KIF26B: variants seen among roughly 807,000 people sequenced by gnomAD.
KIF26B encodes kinesin family member 26B, also known as kinesin-like protein KIF26B.
In KIF26B, 63 loss-of-function variants were observed where a neutral mutation model predicts 151.2. The observed-to-expected ratio is 0.42, with a 90% CI of 0.34 to 0.51. The LOEUF (loss-of-function observed/expected upper bound fraction) is 0.51. Among genes scored for constraint, KIF26B ranks in the 20% least tolerant of loss-of-function variants. KIF26B has a pLI of 0.07. For synonymous variants in KIF26B, 1,357 were observed against 1,262.1 expected (o/e 1.08, Z -1.59); for missense variants, 2,813 against 2,913.6 (o/e 0.97, Z 0.79).
intron 4 of KIF26B, among the ~76,000 whole-genome samples, chr1:245,430,582 G>A (rs182304528): frequency 4.6e-5 from 7 of 152,066 alleles, no homozygotes; most frequent in East Asian, 1.9e-4. Context: ...CAGGAGGATC[G>A]CTTGAGCCCG....
chr1:245,428,158 CTTAT>C (rs1192541167), intron 4 of KIF26B, among the ~76,000 whole-genome samples: 4 of 152,240 alleles, frequency 2.6e-5, no homozygotes, highest in African/African-American at 9.6e-5. Context: ...CCTCTGGTTT[CTTAT>C]TTATTTATTT....
chr1:245,432,145 T>A (rs1173880038), intron 4 of KIF26B, among the ~76,000 whole-genome samples: 2 of 152,112 alleles, frequency 1.3e-5, no homozygotes, highest in South Asian at 2.1e-4. Flanking sequence ...TGGTACCTGC[T>A]ACATTAGGAA....
In KIF26B at chr1:245,167,545, A is replaced by G. The variant is rs2103520536; in HGVS notation, c.465+10862A>G. On this transcript the variant is annotated intron_variant, in intron 2 of 14. Transcript: ENST00000407071. This position sits in a 1 kb window ranked among gnomAD's most constrained non-coding sequence, Gnocchi z 4.2. ...ACAAGAATGGGAGACTCACCTATTAACTGATTAGAAGCCAGCAATAACAAC... is the reference window on the plus strand; with the variant it reads ...ACAAGAATGGGAGACTCACCTATTAGCTGATTAGAAGCCAGCAATAACAAC... 6.6e-6 allele frequency among the ~76,000 whole-genome samples: 1 copy of G among 152,318 alleles called. No homozygotes were observed. The highest frequency in any genetic ancestry group is 6.5e-5 in the Admixed American group (1 of 15,298).
intron 2 of KIF26B, among the ~76,000 whole-genome samples, chr1:245,261,480 TCTCTCTCTCTCTCTCTCTCTCTCC>T (rs1167801684): frequency 6.1e-5 from 3 of 49,244 alleles, no homozygotes; most frequent in Non-Finnish European, 1.1e-4. Flanking sequence ...TCTCTCTCTC[TCTCTCTCTCTCTCTCTCTCTCTCC>T]CTCCCTCCCT....
At chr1:245,240,991 G>T (rs977063722) in intron 2 of KIF26B, among the ~76,000 whole-genome samples, 2 of 152,282 alleles carry the variant, frequency 1.3e-5, no homozygotes, top group Non-Finnish European at 2.9e-5. Context: ...CCCCGCCCAG[G>T]GATCATGGAT....
At chr1:245,442,675 AGTCATCTCCCTCACTGTTCACCTAGAGCT>A (rs1428633357) in intron 4 of KIF26B, among the ~76,000 whole-genome samples, 60 of 139,802 alleles carry the variant, frequency 4.3e-4, no homozygotes, top group African/African-American at 7.3e-4. Context: ...TTCACCCTGC[AGTCATCTCCCTCACTGTTCACCTAGAGCT>A]GTCATCTCCC....
At chr1:245,562,195 C>T (rs1411010446) in intron 5 of KIF26B, among the ~76,000 whole-genome samples, 2 of 151,972 alleles carry the variant, frequency 1.3e-5, no homozygotes, top group Admixed American at 6.6e-5. Context: ...CAGAGAGGGA[C>T]CTGGGGAGGG....
chr1:245,508,672 C>T (rs1213517506), intron 4 of KIF26B, among the ~76,000 whole-genome samples: 1 of 152,086 alleles, frequency 6.6e-6, no homozygotes. Flanking sequence ...TGGTCGTTCT[C>T]CAGAAGAGTG....
At chr1:245,389,234 C>T (rs1673627493) in intron 3 of KIF26B, among the ~76,000 whole-genome samples, 1 of 152,124 alleles carries the variant, frequency 6.6e-6, no homozygotes. Context: ...CTGCCTCAGC[C>T]TCCTGAGTAG....
Position 245,208,469 on chromosome 1 carries a change from C to A in KIF26B, c.465+51786C>A, listed in dbSNP as rs935575858. Among the ~76,000 whole-genome samples the A allele has an allele frequency of 9.2e-5, 14 of 152,242 alleles. No homozygotes were observed. The East Asian group carries it at 2.5e-3, about 27-fold the overall frequency. On this transcript the variant is annotated intron_variant, in intron 2 of 14. Transcript: ENST00000407071. ...TTGCTGGCGAGTGGGATTGAGTTAG[C>A]CTCATCCACAGAGCCAATTGGCTGC...
At chr1:245,240,864 C>T (rs1670201435) in intron 2 of KIF26B, among the ~76,000 whole-genome samples, 1 of 152,022 alleles carries the variant, frequency 6.6e-6, no homozygotes, top group African/African-American at 2.4e-5. Context: ...TCAGAACCAG[C>T]CTGGCAGAGA....
At chr1:245,543,495 C>T (rs959708754) in intron 5 of KIF26B, among the ~76,000 whole-genome samples, 1 of 49,880 alleles carries the variant, frequency 2.0e-5, no homozygotes, top group African/African-American at 6.2e-5. Flanking sequence ...AGCGGGGCAT[C>T]GGTCTGGGGT....
At chr1:245,314,806 T>C (rs12092992) in intron 2 of KIF26B, among the ~76,000 whole-genome samples, 31,668 of 152,198 alleles carry the variant, frequency 0.21, 3,510 homozygotes, top group Admixed American at 0.32. Context: ...CATTTTCATA[T>C]GAAATCATTT....
At chr1:245,451,501 T>G (rs1304656694) in intron 4 of KIF26B, among the ~76,000 whole-genome samples, 1 of 151,698 alleles carries the variant, frequency 6.6e-6, no homozygotes, top group Non-Finnish European at 1.5e-5. Context: ...AGTTAGTTAA[T>G]GTATAGCCAA....
At chr1:245,363,284 C>T (rs187541957) in intron 2 of KIF26B, among the ~76,000 whole-genome samples, 1 of 152,310 alleles carries the variant, frequency 6.6e-6, no homozygotes, top group African/African-American at 2.4e-5. Flanking sequence ...GCAACCTCTG[C>T]CTCCCAGGCT....
chr1:245,313,435 A>G (rs1671701886), intron 2 of KIF26B, among the ~76,000 whole-genome samples: 1 of 152,238 alleles, frequency 6.6e-6, no homozygotes, highest in Non-Finnish European at 1.5e-5. Context: ...AGAGAAGTTC[A>G]TAGCCAGTCA....
At position 245,218,993 on chromosome 1, in the gene KIF26B, C is replaced by T. The variant is rs1351942999; in HGVS notation, c.465+62310C>T. The stretch of plus-strand genomic sequence containing the variant: ...TGTGTATGCCAGGAGGGAGCATCTG[C>T]CCCCATCTACTCTCTGGGAAGATGT... On this transcript the variant is annotated intron_variant, in intron 2 of 14. Transcript: ENST00000407071. This position sits in a 1 kb window ranked among gnomAD's most constrained non-coding sequence, Gnocchi z 4.1. 6.6e-6 allele frequency among the ~76,000 whole-genome samples: 1 copy of T among 150,732 alleles called. No individual in the cohort carries two copies. Among genetic ancestry groups the T allele is most frequent in the African/African-American group, 2.5e-5 (1 of 40,224 alleles).
intron 9 of KIF26B, among the ~76,000 whole-genome samples, chr1:245,617,620 C>T (rs1244525474): frequency 5.9e-5 from 9 of 152,152 alleles, no homozygotes; most frequent in Admixed American, 5.2e-4. Flanking sequence ...CCACACACTA[C>T]AGGGCTCTCA....
chr1:245,388,314 A>G (rs1015445261), intron 3 of KIF26B, among the ~76,000 whole-genome samples: 1 of 152,216 alleles, frequency 6.6e-6, no homozygotes, highest in Non-Finnish European at 1.5e-5. Flanking sequence ...GGAAAAGTAC[A>G]TAAAATAGCT....
Sources: gnomAD v4.1 joint callset for allele counts (sites outside exome capture counted in the v4.1 genomes callset) on GRCh38, gnomAD v4.1.1 for gene constraint, Gnocchi (gnomAD v3.1) non-coding constraint, MANE v1.5 for transcripts, NCBI Gene and HGNC (gene_info 2026-07-23, HGNC 2026-07-21) for gene names.